The following UBE2W variants were observed in gnomAD, a reference collection of about 807,000 sequenced individuals.
The protein encoded by UBE2W is ubiquitin conjugating enzyme E2 W, also known as ubiquitin-conjugating enzyme E2 W.
In UBE2W, 18 loss-of-function variants were observed where a neutral mutation model predicts 27.2. The observed-to-expected ratio is 0.66, with a 90% CI of 0.46 to 0.98. The LOEUF is 0.98. Among genes scored for constraint, UBE2W ranks in the 50% least tolerant of loss-of-function variants. UBE2W has a pLI of 0.00. For synonymous variants in UBE2W, 53 were observed against 57.2 expected (o/e 0.93, Z 0.33); for missense variants, 90 against 180.2 (o/e 0.50, Z 2.87).
chr8:73,794,578 T>C (rs76309612), intron 5 of UBE2W, among the ~76,000 whole-genome samples: 2,204 of 152,160 alleles, frequency 0.014, 61 homozygotes, highest in African/African-American at 0.05. Context: ...TCCAAATCAA[T>C]AAACAGTTAA....
chr8:73,878,598 C>G (rs1468582899), intron 1 of UBE2W, among the ~76,000 whole-genome samples: 2 of 152,182 alleles, frequency 1.3e-5, no homozygotes, highest in Non-Finnish European at 2.9e-5. Context: ...CGGCTGGTGT[C>G]CGCTTCGACC....
intron 1 of UBE2W, among the ~76,000 whole-genome samples, chr8:73,847,150 CAG>C (rs771718537): frequency 9.9e-5 from 15 of 152,144 alleles, no homozygotes; most frequent in Non-Finnish European, 1.3e-4. Flanking sequence ...GCCTGGGCGA[CAG>C]AGTGAGACTC....
intron 1 of UBE2W, among the ~76,000 whole-genome samples, chr8:73,866,776 G>A (rs762459847): frequency 4.6e-5 from 7 of 152,036 alleles, no homozygotes; most frequent in East Asian, 3.8e-4. Flanking sequence ...TTGGCTGGGC[G>A]CGGTGGCTCA....
In UBE2W at chr8:73,808,985, G is replaced by A. The variant is rs944623973; in HGVS notation, c.366+1489C>T. 3.3e-5 allele frequency among the ~76,000 whole-genome samples: 5 copies of A among 152,062 alleles called. No individual in the cohort carries two copies. In the East Asian group the frequency reaches 7.7e-4, roughly 24 times the overall value. On this transcript the variant is annotated intron_variant, in intron 4 of 5. Transcript: ENST00000602593. ...ACATGCAAGACTATGTACAGATATCGCTGACATTAATCTCTTAATAACTTT... is the reference window on the plus strand; with the variant it reads ...ACATGCAAGACTATGTACAGATATCACTGACATTAATCTCTTAATAACTTT...
intron 4 of UBE2W, among the ~76,000 whole-genome samples, chr8:73,808,021 T>C (rs1188758763): frequency 6.6e-6 from 1 of 152,208 alleles, no homozygotes; most frequent in Non-Finnish European, 1.5e-5. Context: ...TCTAATGACA[T>C]ACTGGATTTA....
chr8:73,803,807 C>T (rs1490456669), intron 5 of UBE2W, among the ~76,000 whole-genome samples: 2 of 150,224 alleles, frequency 1.3e-5, no homozygotes, highest in African/African-American at 4.9e-5. Flanking sequence ...TGCTCTGTCG[C>T]CCAGGCTGGA....
chr8:73,780,594 A>ATCTCGGCT, intron 4 of UBE2W: 1 of 427,016 alleles, frequency 2.3e-6, no homozygotes, highest in Non-Finnish European at 4.7e-6. Flanking sequence ...GTGCAGTGGC[A>ATCTCGGCT]CAATGCAACC....
intron 1 of UBE2W, among the ~76,000 whole-genome samples, chr8:73,871,439 T>C (rs536645030): frequency 6.6e-6 from 1 of 152,378 alleles, no homozygotes; most frequent in East Asian, 1.9e-4. Context: ...ATGATTTCTG[T>C]GCAATATAGC....
chr8:73,818,136 C>T (rs575596858), intron 3 of UBE2W, among the ~76,000 whole-genome samples: 11 of 152,274 alleles, frequency 7.2e-5, no homozygotes, highest in African/African-American at 2.6e-4. Context: ...TTCCCTTTTG[C>T]CCCCAAAGCA....
intron 2 of UBE2W, among the ~76,000 whole-genome samples, chr8:73,826,881 T>C (rs753233891): frequency 6.6e-6 from 1 of 152,176 alleles, no homozygotes; most frequent in South Asian, 2.1e-4. Context: ...AGTCAATACA[T>C]GGTAAATTAA....
At chr8:73,869,234 T>C (rs1392678242) in intron 1 of UBE2W, among the ~76,000 whole-genome samples, 2 of 152,154 alleles carry the variant, frequency 1.3e-5, no homozygotes, top group Non-Finnish European at 2.9e-5. Context: ...AAGATCAGCC[T>C]CGGCAACACA....
At chr8:73,818,344 T>A (rs1345983361) in intron 3 of UBE2W, among the ~76,000 whole-genome samples, 2 of 152,156 alleles carry the variant, frequency 1.3e-5, no homozygotes, top group Admixed American at 1.3e-4. Context: ...GTCACCATCA[T>A]CTCTCACCTG....
At chr8:73,867,310 A>G (rs1025602929) in intron 1 of UBE2W, among the ~76,000 whole-genome samples, 1 of 152,062 alleles carries the variant, frequency 6.6e-6, no homozygotes, top group Non-Finnish European at 1.5e-5. Flanking sequence ...ACTGAGGCGG[A>G]CGGATCACAA....
chr8:73,794,720 T>C (rs1248795647), intron 5 of UBE2W, among the ~76,000 whole-genome samples: 3 of 151,844 alleles, frequency 2.0e-5, no homozygotes, highest in Admixed American at 1.3e-4. Context: ...CTGGCCAACA[T>C]GGTGAAACCC....
chr8:73,815,753 G>A (rs1809358795), intron 3 of UBE2W, among the ~76,000 whole-genome samples: 1 of 152,126 alleles, frequency 6.6e-6, no homozygotes, highest in Non-Finnish European at 1.5e-5. Context: ...AAAACACAGT[G>A]TATATAAACG....
At chr8:73,786,124 T>G, downstream of UBE2W, 3 of 744,674 alleles carry the variant, frequency 4.0e-6, no homozygotes, top group Non-Finnish European at 4.9e-6. Context: ...TTATGGTTCC[T>G]GAGATGTATT....
intron 1 of UBE2W, among the ~76,000 whole-genome samples, chr8:73,873,440 C>T (rs1334830569): frequency 6.6e-6 from 1 of 152,072 alleles, no homozygotes; most frequent in African/African-American, 2.4e-5. Flanking sequence ...GGGCCGATGG[C>T]TGAGTCCTGG....
intron 3 of UBE2W, among the ~76,000 whole-genome samples, chr8:73,815,193 AAAGT>A (rs1257007057): frequency 6.6e-6 from 1 of 152,194 alleles, no homozygotes; most frequent in East Asian, 1.9e-4. Flanking sequence ...CCTGGGTAAC[AAAGT>A]AAGATCCCAT....
intron 1 of UBE2W, chr8:73,831,036 G>A (rs1401019633): frequency 1.5e-5 from 3 of 196,596 alleles, no homozygotes; most frequent in African/African-American, 7.1e-5. Flanking sequence ...GGCACATCTG[G>A]AACGGAACAT....
Sources: gnomAD v4.1 joint callset for allele counts (sites outside exome capture counted in the v4.1 genomes callset) on GRCh38, gnomAD v4.1.1 for gene constraint, MANE v1.5 for transcripts, NCBI Gene and HGNC (gene_info 2026-07-23, HGNC 2026-07-21) for gene names.